FBXW4: variants seen among roughly 807,000 people sequenced by gnomAD.
FBXW4 encodes F-box and WD repeat domain containing 4, also known as F-box/WD repeat-containing protein 4.
FBXW4 carries 40 observed loss-of-function variants against 61.8 expected under a neutral mutation model. The observed-to-expected ratio is 0.65, with a 90% CI of 0.50 to 0.84. FBXW4 has a LOEUF of 0.84. FBXW4 is among the 40% of genes least tolerant of loss of function. The pLI is 0.00. For synonymous variants in FBXW4, 311 were observed against 313.8 expected (o/e 0.99, Z 0.10); for missense variants, 672 against 753.8 (o/e 0.89, Z 1.27).
chr10:101,643,450 A>G (rs1292955103), intron 5 of FBXW4, among the ~76,000 whole-genome samples: 2 of 152,220 alleles, frequency 1.3e-5, no homozygotes, highest in Admixed American at 1.3e-4. Flanking sequence ...CTGAGAAGGC[A>G]CACACACACA....
chr10:101,675,987 C>T (rs1025071208), intron 2 of FBXW4, among the ~76,000 whole-genome samples: 1 of 152,016 alleles, frequency 6.6e-6, no homozygotes, highest in African/African-American at 2.4e-5. Context: ...TGAATTGAAA[C>T]CTTGATTTAT....
intron 6 of FBXW4, among the ~76,000 whole-genome samples, chr10:101,622,510 G>A (rs997328657): frequency 5.3e-5 from 8 of 151,976 alleles, no homozygotes; most frequent in African/African-American, 1.7e-4. Context: ...GGCTGATCAC[G>A]AGGTCAGGAG....
Position 101,611,166 on chromosome 10 carries a change from C to T in FBXW4, c.*125G>A. 4.7e-6 allele frequency: 6 copies of T among 1,287,598 alleles called. No homozygotes were observed. The highest frequency in any genetic ancestry group is 4.3e-6 in the Non-Finnish European group (4 of 931,864). 79.8% of individuals were successfully genotyped at this position (1,287,598 alleles called of 1,614,324 possible). A position where few individuals can be genotyped will look rare whatever the true frequency, so the allele number is the denominator to read the frequency against. Reference sequence around the variant, plus strand: ...AAGCCTCTAGTGCAAGGTGCCTGAGCACTGGGGTCACAGGCCCAGGAGCAC... The same window carrying T: ...AAGCCTCTAGTGCAAGGTGCCTGAGTACTGGGGTCACAGGCCCAGGAGCAC... On this transcript the variant is annotated 3_prime_UTR_variant, in exon 9 of 9. Transcript: ENST00000331272. The surrounding 1 kb of genome is among the most constrained non-coding windows in gnomAD (Gnocchi z 4.9).
At chr10:101,675,165 T>C (rs889623937) in intron 2 of FBXW4, among the ~76,000 whole-genome samples, 15 of 152,232 alleles carry the variant, frequency 9.9e-5, no homozygotes, top group Admixed American at 9.2e-4. Flanking sequence ...AGTGTGTGCA[T>C]ATATTACATG....
At chr10:101,615,553 C>T (rs1269705185) in intron 6 of FBXW4, among the ~76,000 whole-genome samples, 1 of 152,018 alleles carries the variant, frequency 6.6e-6, no homozygotes, top group East Asian at 1.9e-4. Context: ...CTGGGAACCC[C>T]ACTACCTGGA....
At chr10:101,621,921 T>C (rs1401813621) in intron 6 of FBXW4, among the ~76,000 whole-genome samples, 1 of 152,164 alleles carries the variant, frequency 6.6e-6, no homozygotes, top group Non-Finnish European at 1.5e-5. Flanking sequence ...GCTTGTCTCT[T>C]GTCTAGGATC....
intron 5 of FBXW4, among the ~76,000 whole-genome samples, chr10:101,658,696 C>CCT (rs1347635360): frequency 6.6e-6 from 1 of 152,092 alleles, no homozygotes; most frequent in African/African-American, 2.4e-5. Flanking sequence ...GATATGACCC[C>CCT]CTCCACATAA....
intron 6 of FBXW4, among the ~76,000 whole-genome samples, chr10:101,622,591 G>T (rs2063875577): frequency 6.6e-6 from 1 of 152,026 alleles, no homozygotes; most frequent in African/African-American, 2.4e-5. Flanking sequence ...AGCCAGGTGT[G>T]GTGGCAGGTA....
At chr10:101,652,434 T>C (rs2064152675) in intron 5 of FBXW4, among the ~76,000 whole-genome samples, 1 of 152,114 alleles carries the variant, frequency 6.6e-6, no homozygotes, top group Admixed American at 6.5e-5. Flanking sequence ...CTTTGTCACT[T>C]ACCATCTCTA....
intron 1 of FBXW4, among the ~76,000 whole-genome samples, chr10:101,678,300 A>G (rs1316455775): frequency 6.6e-6 from 1 of 152,212 alleles, no homozygotes; most frequent in East Asian, 1.9e-4. Context: ...TTAGGTTCCC[A>G]TATATCTCCT....
chr10:101,649,916 G>A (rs1179427365), intron 5 of FBXW4, among the ~76,000 whole-genome samples: 2 of 152,232 alleles, frequency 1.3e-5, no homozygotes, highest in Non-Finnish European at 2.9e-5. Context: ...CCTGGCCATG[G>A]TTGGGGGCCT....
chr10:101,674,283 C>T (rs2064386848), intron 2 of FBXW4, among the ~76,000 whole-genome samples: 1 of 150,694 alleles, frequency 6.6e-6, no homozygotes, highest in African/African-American at 2.4e-5. Flanking sequence ...GAGCCGAGAT[C>T]GCACCACTGC....
At chr10:101,680,764 A>C (rs1172299636) in intron 1 of FBXW4, among the ~76,000 whole-genome samples, 1 of 152,268 alleles carries the variant, frequency 6.6e-6, no homozygotes, top group Non-Finnish European at 1.5e-5. Flanking sequence ...AATTCTGTTA[A>C]GACAAAAGTC....
intron 1 of FBXW4, among the ~76,000 whole-genome samples, chr10:101,686,537 T>C (rs2064535908): frequency 6.6e-6 from 1 of 152,176 alleles, no homozygotes; most frequent in African/African-American, 2.4e-5. Flanking sequence ...GAGTCATGAA[T>C]TAGGCACTAG....
chr10:101,636,409 AC>A (rs1293009343), intron 5 of FBXW4, among the ~76,000 whole-genome samples: 4 of 151,746 alleles, frequency 2.6e-5, no homozygotes, highest in South Asian at 2.1e-4. Context: ...AAAAAAAAAA[AC>A]AAAAAAGAAT....
At chr10:101,669,741 A>G (rs930042748) in intron 4 of FBXW4, among the ~76,000 whole-genome samples, 1 of 146,998 alleles carries the variant, frequency 6.8e-6, no homozygotes, top group Non-Finnish European at 1.5e-5. Context: ...TCCCTGGAAA[A>G]GATTCAGTGG....
intron 1 of FBXW4, among the ~76,000 whole-genome samples, chr10:101,683,627 G>A (rs2064502248): frequency 6.6e-6 from 1 of 152,072 alleles, no homozygotes; most frequent in African/African-American, 2.4e-5. Context: ...AATAAACCTA[G>A]TCTGAAGAAA....
At chr10:101,661,323 A>G (rs2064242326) in intron 5 of FBXW4, among the ~76,000 whole-genome samples, 1 of 152,172 alleles carries the variant, frequency 6.6e-6, no homozygotes, top group Non-Finnish European at 1.5e-5. Context: ...CCCTGTGCCT[A>G]TCCTGCCCTG....
chr10:101,611,432 G>T lies in FBXW4; in HGVS notation c.1585-22C>A, dbSNP rs1308501667. 3 of 1,610,150 alleles carry T rather than the reference G, an allele frequency of 1.9e-6. No homozygotes were observed. In the East Asian group the frequency reaches 6.7e-5, roughly 36 times the overall value. ...AGGCCTGGAAGGGAGGGCACAGGAA[G>T]TGGTAAGAGCTTTCCAAGTGGGACA... On this transcript the variant is annotated intron_variant, in intron 8 of 8. Coordinates refer to ENST00000331272, the MANE Select transcript of FBXW4 (RefSeq NM_022039.4). This position sits in a 1 kb window ranked among gnomAD's most constrained non-coding sequence, Gnocchi z 4.9.
Sources: gnomAD v4.1 joint callset for allele counts (sites outside exome capture counted in the v4.1 genomes callset) on GRCh38, gnomAD v4.1.1 for gene constraint, Gnocchi (gnomAD v3.1) non-coding constraint, MANE v1.5 for transcripts, NCBI Gene and HGNC (gene_info 2026-07-23, HGNC 2026-07-21) for gene names.